Variants in PTPRD observed in about 807,000 individuals in gnomAD.
PTPRD encodes protein tyrosine phosphatase receptor type D, also known as receptor-type tyrosine-protein phosphatase delta.
Under a neutral mutation model 214.5 loss-of-function variants are expected in PTPRD, and 34 were observed. The observed-to-expected ratio is 0.16, with a 90% CI of 0.12 to 0.21. The LOEUF (loss-of-function observed/expected upper bound fraction) is 0.21. Among genes scored for constraint, PTPRD ranks in the 10% least tolerant of loss-of-function variants. The pLI is 1.00. For synonymous variants in PTPRD, 1,128 were observed against 845.7 expected (o/e 1.33, Z -5.79); for missense variants, 2,545 against 2,398.7 (o/e 1.06, Z -1.27).
intron 9 of PTPRD, among the ~76,000 whole-genome samples, chr9:9,191,569 C>T (rs1020291414): frequency 5.3e-5 from 8 of 152,060 alleles, no homozygotes; most frequent in African/African-American, 7.2e-5. Flanking sequence ...GAGTATTTCC[C>T]TATCTAAGTA....
chr9:10,235,536 T>C (rs1436719229), intron 3 of PTPRD, among the ~76,000 whole-genome samples: 1 of 151,958 alleles, frequency 6.6e-6, no homozygotes, highest in East Asian at 1.9e-4. Flanking sequence ...AGAAGACACT[T>C]GGTGATATCA....
rs2097107081 is a variant in PTPRD, at chr9:10,347,502, CT to C, written c.-599-6486del. On this transcript the variant is annotated intron_variant, in intron 2 of 45. Coordinates refer to ENST00000381196, the MANE Select transcript of PTPRD (RefSeq NM_002839.4). ...CTCGGCTCACTGCAACCTCTGCCCC[CT>C]GGGTTCAAGCAATTCTCCTGCCTCA... Among the ~76,000 whole-genome samples, 5 of 151,464 alleles carry C rather than the reference CT, an allele frequency of 3.3e-5. No individual in the cohort carries two copies. The South Asian group carries it at 8.4e-4, about 25-fold the overall frequency.
chr9:9,351,747 G>T (rs1453052578), intron 9 of PTPRD, among the ~76,000 whole-genome samples: 1 of 152,034 alleles, frequency 6.6e-6, no homozygotes, highest in Non-Finnish European at 1.5e-5. Context: ...CTGTGCCAAA[G>T]ATTATAAGGG....
chr9:9,771,079 A>T (rs2154481642), intron 5 of PTPRD, among the ~76,000 whole-genome samples: 1 of 152,314 alleles, frequency 6.6e-6, no homozygotes, highest in Admixed American at 6.5e-5. Context: ...ACTCCAAAAC[A>T]AATTAAATGA....
At chr9:8,533,334 C>G (rs972223241) in intron 14 of PTPRD, among the ~76,000 whole-genome samples, 1 of 151,930 alleles carries the variant, frequency 6.6e-6, no homozygotes, top group Non-Finnish European at 1.5e-5. Flanking sequence ...ACTGATTTAA[C>G]GAAGTCTTCA....
At chr9:8,549,447 G>T (rs148196079) in intron 14 of PTPRD, among the ~76,000 whole-genome samples, 2 of 152,292 alleles carry the variant, frequency 1.3e-5, no homozygotes, top group East Asian at 1.9e-4. Flanking sequence ...AGATGACCCA[G>T]CAAAGAATTT....
At chr9:8,685,182 G>C (rs1163781703) in intron 12 of PTPRD, among the ~76,000 whole-genome samples, 1 of 150,920 alleles carries the variant, frequency 6.6e-6, no homozygotes, top group Non-Finnish European at 1.5e-5. Flanking sequence ...TGAAAACAAA[G>C]GCAAAAGATG....
rs36213005 is a variant in PTPRD at position 9,211,515 on chromosome 9, G to GCACA, written c.-202-28156_-202-28153dup. 9.6e-3 allele frequency among the ~76,000 whole-genome samples: 1,382 copies of GCACA among 143,606 alleles called. 16 individuals carry two copies. The highest frequency in any genetic ancestry group is 0.022 in the Middle Eastern group (6 of 276). 94.2% of individuals were successfully genotyped at this position (143,606 alleles called of 152,430 possible). ...CCTTCCTCTCCCCCAGTGTGCGCACGCACACACACACACACACACACACAC... is the reference window on the plus strand; with the variant it reads ...CCTTCCTCTCCCCCAGTGTGCGCACGCACACACACACACACACACACACACACAC... On this transcript the variant is annotated intron_variant, in intron 9 of 45. Coordinates refer to ENST00000381196, the MANE Select transcript of PTPRD (RefSeq NM_002839.4).
At position 8,524,450 on chromosome 9, in the gene PTPRD, T is replaced by C. The variant is rs191522957; in HGVS notation, c.679+475A>G. 1.9e-4 allele frequency among the ~76,000 whole-genome samples: 29 copies of C among 152,286 alleles called. 2 individuals carry two copies. In the East Asian group the frequency reaches 4.6e-3, roughly 24 times the overall value. ...CTATTTGCATGTAGCACTTGTTTTA[T>C]AGAGTTAGCAGCTTTATCCTTACAG... On this transcript the variant is annotated intron_variant, in intron 18 of 45. Transcript: ENST00000381196.
At chr9:8,991,692 T>C (rs1336124258) in intron 11 of PTPRD, among the ~76,000 whole-genome samples, 1 of 152,156 alleles carries the variant, frequency 6.6e-6, no homozygotes, top group Non-Finnish European at 1.5e-5. Context: ...TTCTGTGCAA[T>C]TTGCCTCTTA....
chr9:9,527,878 A>C (rs1569569017), intron 8 of PTPRD, among the ~76,000 whole-genome samples: 6 of 152,232 alleles, frequency 3.9e-5, no homozygotes, highest in Admixed American at 3.9e-4. Context: ...ACTTCTGGCT[A>C]GAATGTAATA....
chr9:9,517,170 G>A (rs682272), intron 8 of PTPRD, among the ~76,000 whole-genome samples: 68,776 of 151,752 alleles, frequency 0.45, 16,228 homozygotes, highest in African/African-American at 0.56. Context: ...CTCATAACTT[G>A]TGAGGCACTG....
intron 3 of PTPRD, among the ~76,000 whole-genome samples, chr9:10,297,420 G>T (rs2095712392): frequency 6.6e-6 from 1 of 151,856 alleles, no homozygotes; most frequent in Admixed American, 6.6e-5. Context: ...CTTGCCTCAT[G>T]ATTCTAAGAA....
chr9:10,356,375 T>C (rs2097277628), intron 2 of PTPRD, among the ~76,000 whole-genome samples: 2 of 152,184 alleles, frequency 1.3e-5, no homozygotes, highest in African/African-American at 4.8e-5. Flanking sequence ...TTCTCTCAAA[T>C]TGGTTTGTTC....
intron 2 of PTPRD, among the ~76,000 whole-genome samples, chr9:10,419,581 A>C (rs1202023572): frequency 6.6e-6 from 1 of 151,882 alleles, no homozygotes; most frequent in Non-Finnish European, 1.5e-5. Context: ...ATATACTTTG[A>C]TTAAGATATA....
intron 3 of PTPRD, among the ~76,000 whole-genome samples, chr9:10,339,358 T>C (rs1398395095): frequency 6.6e-6 from 1 of 151,746 alleles, no homozygotes; most frequent in East Asian, 1.9e-4. Flanking sequence ...CTTCTTCCTG[T>C]TTGTTTTGCT....
At chr9:8,404,045 T>C (rs774971268) in intron 36 of PTPRD, among the ~76,000 whole-genome samples, 2 of 152,194 alleles carry the variant, frequency 1.3e-5, no homozygotes, top group Non-Finnish European at 2.9e-5. Context: ...TCATATGGTG[T>C]CAGGGATATT....
At chr9:8,742,091 C>A (rs140864244) in intron 11 of PTPRD, among the ~76,000 whole-genome samples, 4 of 152,008 alleles carry the variant, frequency 2.6e-5, no homozygotes, top group Non-Finnish European at 4.4e-5. Flanking sequence ...CTTTTAATAA[C>A]CTATATACAT....
intron 7 of PTPRD, among the ~76,000 whole-genome samples, chr9:9,707,330 T>C (rs760338431): frequency 7.2e-5 from 11 of 152,192 alleles, no homozygotes; most frequent in Non-Finnish European, 1.3e-4. Flanking sequence ...CAGTTGTGAA[T>C]AAATCCCTTC....
Sources: gnomAD v4.1 joint callset for allele counts (sites outside exome capture counted in the v4.1 genomes callset) on GRCh38, gnomAD v4.1.1 for gene constraint, MANE v1.5 for transcripts, NCBI Gene and HGNC (gene_info 2026-07-23, HGNC 2026-07-21) for gene names.